SMARCC1: variants seen among roughly 807,000 people sequenced by gnomAD.
SMARCC1 encodes the protein SWI/SNF related BAF chromatin remodeling complex subunit C1, also known as SWI/SNF complex subunit SMARCC1.
A neutral mutation model predicts 147.4 loss-of-function variants in SMARCC1; 43 were observed. The ratio of observed to expected loss-of-function variants is 0.29; its 90% confidence interval spans 0.23 to 0.38. The LOEUF (loss-of-function observed/expected upper bound fraction) is 0.38, where lower values mean the gene tolerates loss of function less well. SMARCC1 is among the 10% of genes least tolerant of loss of function. The pLI, the probability that SMARCC1 is intolerant of heterozygous loss-of-function variation, is 1.00. For synonymous variants in SMARCC1, 495 were observed against 484.4 expected, an observed-to-expected ratio of 1.02 and a Z score of -0.29; for missense variants, 1,119 against 1,381.1, an observed-to-expected ratio of 0.81 and a Z score of 3.01.
At chr3:47,697,916 G>A (rs371083850) in intron 11 of SMARCC1, among the ~76,000 whole-genome samples, 41 of 139,178 alleles carry the variant, frequency 2.9e-4, no homozygotes, top group African/African-American at 8.6e-4. Context: ...GCTGAGGCAG[G>A]AGAACGGTGT....
intron 18 of SMARCC1, among the ~76,000 whole-genome samples, chr3:47,673,147 G>A (rs777669374): frequency 3.0e-4 from 46 of 151,838 alleles, no homozygotes; most frequent in Non-Finnish European, 3.7e-4. Flanking sequence ...CACTCTGGAA[G>A]GTAAAAAAGG....
intron 5 of SMARCC1, among the ~76,000 whole-genome samples, chr3:47,731,852 A>T (rs1032481219): frequency 5.3e-5 from 8 of 152,206 alleles, no homozygotes; most frequent in African/African-American, 1.9e-4. Flanking sequence ...GGCAAAATAG[A>T]TGTACAATAA....
intron 7 of SMARCC1, among the ~76,000 whole-genome samples, chr3:47,719,190 A>C (rs1192620399): frequency 6.6e-6 from 1 of 152,126 alleles, no homozygotes; most frequent in East Asian, 1.9e-4. Flanking sequence ...CTGGGATTAC[A>C]GGTGTGAGCC....
intron 10 of SMARCC1, among the ~76,000 whole-genome samples, chr3:47,704,636 G>A (rs921826409): frequency 6.6e-6 from 1 of 152,174 alleles, no homozygotes; most frequent in Non-Finnish European, 1.5e-5. Context: ...TAAGAAACAG[G>A]CCAGGTGTGG....
chr3:47,676,573 C>T, intron 17 of SMARCC1, 56 bp downstream of exon 17: 1 of 1,273,112 alleles, frequency 7.9e-7, no homozygotes, highest in Non-Finnish European at 1.1e-6. Flanking sequence ...AATAGATATG[C>T]TATAAATGGC....
rs567381135 is a variant in SMARCC1 at position 47,594,779 on chromosome 3, T to A, written c.3044-3942A>T. On this transcript the variant is annotated intron_variant, in intron 26 of 27. Coordinates refer to ENST00000254480, the MANE Select transcript of SMARCC1 (RefSeq NM_003074.4). ...CAGCAGGGACCCAAGGACTCAGGCA[T>A]CCTTGTGGCGGGACTGTGAGGCCAC... Among the ~76,000 whole-genome samples the A allele has an allele frequency of 1.9e-4, 29 of 152,306 alleles. No homozygotes were observed. In the South Asian group the frequency reaches 6.0e-3, roughly 32 times the overall value.
At chr3:47,677,585 T>G (rs2033590367) in intron 16 of SMARCC1, among the ~76,000 whole-genome samples, 1 of 151,664 alleles carries the variant, frequency 6.6e-6, no homozygotes, top group African/African-American at 2.4e-5. Context: ...ACAATCTTGC[T>G]CTGTTGCGCA....
chr3:47,759,609 AC>A (rs1357437371), intron 2 of SMARCC1, among the ~76,000 whole-genome samples: 1 of 61,608 alleles, frequency 1.6e-5, no homozygotes, highest in Non-Finnish European at 3.7e-5. Context: ...ACAGAGCTAG[AC>A]TCCGTCTCAA....
At chr3:47,689,223 G>A (rs182346268) in intron 13 of SMARCC1, among the ~76,000 whole-genome samples, 164 bp downstream of exon 13, 1 of 152,068 alleles carries the variant, frequency 6.6e-6, no homozygotes, top group East Asian at 1.9e-4. Context: ...TTCTTATATT[G>A]TATTTGTTTT....
intron 19 of SMARCC1, among the ~76,000 whole-genome samples, chr3:47,666,673 G>A (rs928821799): frequency 2.0e-5 from 3 of 151,284 alleles, no homozygotes; most frequent in Non-Finnish European, 2.9e-5. Flanking sequence ...CCAGGATGGC[G>A]CTGAATGTGG....
intron 13 of SMARCC1, 28 bp from the exon 14 acceptor site, chr3:47,686,198 A>G (rs2033721352): frequency 6.3e-7 from 1 of 1,595,048 alleles, no homozygotes. Context: ...AAGTTCAAAG[A>G]AAGAAAGAAC....
Position 47,642,592 on chromosome 3 carries a change from A to AAACAAC in SMARCC1, c.2321-3818_2321-3813dup, listed in dbSNP as rs34383211. Among the ~76,000 whole-genome samples, 136 of 150,474 alleles carry AAACAAC rather than the reference A, an allele frequency of 9.0e-4. 1 individual carries two copies. Among genetic ancestry groups the AAACAAC allele is most frequent in the Middle Eastern group, 3.5e-3 (1 of 288 alleles). On this transcript the variant is annotated intron_variant, in intron 21 of 27. Coordinates refer to ENST00000254480, the MANE Select transcript of SMARCC1 (RefSeq NM_003074.4). ...GCAAAAGGGCGAGACTTTGTCCCAA[A>AAACAAC]AACAACAACAACAACAACAACAACA... is the stretch of plus-strand genomic sequence containing the variant.
chr3:47,729,240 TAA>T, intron 5 of SMARCC1, 146 bp from the exon 6 acceptor site: 3 of 599,922 alleles, frequency 5.0e-6, no homozygotes, highest in Non-Finnish European at 8.6e-6. Flanking sequence ...TTTAGTCAAA[TAA>T]AAAAAAGTGA....
chr3:47,728,953 T>C (rs2034334699), intron 6 of SMARCC1, 72 bp downstream of exon 6: 1 of 931,992 alleles, frequency 1.1e-6, no homozygotes, highest in Admixed American at 2.2e-5. Flanking sequence ...GTTTAAGTCT[T>C]TGGGGGTATG....
chr3:47,745,905 T>C lies in SMARCC1; in HGVS notation c.401+3A>G. On this transcript the variant is annotated splice_donor_region_variant and intron_variant, in intron 3 of 27. Transcript: ENST00000254480. ...AAACATGCAAACAAATACAAAAACT[T>C]ACCATCCCTGTTCATTTTTATACTT... 1 of 1,530,788 alleles carries C rather than the reference T, an allele frequency of 6.5e-7. No individual in the cohort carries two copies. Among genetic ancestry groups the C allele is most frequent in the Non-Finnish European group, 8.8e-7 (1 of 1,138,498 alleles). 94.8% of individuals were successfully genotyped at this position (1,530,788 alleles called of 1,614,324 possible). A position where few individuals can be genotyped will look rare whatever the true frequency, so the allele number is the denominator to read the frequency against.
At chr3:47,730,584 G>A (rs150628345) in intron 5 of SMARCC1, among the ~76,000 whole-genome samples, 4 of 152,210 alleles carry the variant, frequency 2.6e-5, no homozygotes, top group Non-Finnish European at 5.9e-5. Flanking sequence ...TAACAATAGC[G>A]GCTGGGTCCA....
At chr3:47,592,617 CAG>C (rs1476151209) in intron 26 of SMARCC1, among the ~76,000 whole-genome samples, 2 of 152,146 alleles carry the variant, frequency 1.3e-5, no homozygotes, top group Non-Finnish European at 1.5e-5. Flanking sequence ...TTTGTTGAGA[CAG>C]AGTCTCATTT....
intron 5 of SMARCC1, among the ~76,000 whole-genome samples, chr3:47,730,943 CAAT>C (rs1299823816): frequency 6.6e-6 from 1 of 151,774 alleles, no homozygotes; most frequent in African/African-American, 2.4e-5. Context: ...GACACTGCCT[CAAT>C]GATGCTGGCA....
intron 22 of SMARCC1, among the ~76,000 whole-genome samples, chr3:47,637,296 T>A (rs891683242): frequency 3.3e-5 from 5 of 152,160 alleles, no homozygotes; most frequent in African/African-American, 1.2e-4. Context: ...ACCCTCACCC[T>A]CCCCTTAACT....
Sources: gnomAD v4.1 joint callset for allele counts (sites outside exome capture counted in the v4.1 genomes callset) on GRCh38, gnomAD v4.1.1 for gene constraint, MANE v1.5 for transcripts, NCBI Gene and HGNC (gene_info 2026-07-23, HGNC 2026-07-21) for gene names.